Variants in PRR12 observed in about 807,000 individuals in gnomAD.
The protein encoded by PRR12 is proline rich 12.
PRR12 carries 12 observed loss-of-function variants against 138.0 expected under a neutral mutation model. That is an observed-to-expected ratio of 0.09 (90% CI 0.06 to 0.14). The LOEUF (loss-of-function observed/expected upper bound fraction) is 0.14, where lower values mean the gene tolerates loss of function less well. Ranked by LOEUF, PRR12 falls within the 10% of genes least tolerant of loss-of-function variation. The pLI, the probability that PRR12 is intolerant of heterozygous loss-of-function variation, is 1.00. For missense variants in PRR12, 2,692 were observed against 2,861.3 expected, an observed-to-expected ratio of 0.94 and a Z score of 1.35; for synonymous variants, 1,567 against 1,291.7, an observed-to-expected ratio of 1.21 and a Z score of -4.57.
chr19:49,595,484 C>T lies in PRR12; in HGVS notation c.1149C>T (p.Ile383=). Residue 383 remains isoleucine, a synonymous_variant, in exon 4 of 14, where the codon ATC becomes ATT. Transcript: ENST00000418929. ...GTGGTGGTGGAGGTTACCGCCCCAT[C>T]ATTCAGTCGCCTGGGTACAAGACGG... ...AGGGGGGYRP[I]IQSPGYKTGK... is the part of the protein sequence containing the mutation. The T allele has an allele frequency of 6.4e-7, 1 of 1,553,862 alleles. No homozygotes were observed. The highest frequency in any genetic ancestry group is 8.7e-7 in the Non-Finnish European group (1 of 1,149,582).
Position 49,597,996 on chromosome 19 carries a change from C to T in PRR12, c.3661C>T (p.Pro1221Ser), listed in dbSNP as rs1234622923. The T allele has an allele frequency of 3.6e-6, 5 of 1,386,242 alleles. No homozygotes were observed. Among genetic ancestry groups the T allele is most frequent in the Admixed American group, 3.6e-5 (1 of 28,016 alleles). 85.9% of individuals were successfully genotyped at this position (1,386,242 alleles called of 1,614,324 possible). The change falls in exon 4 of 14, where the codon CCC becomes TCC. Residue 1221 changes from proline (P) to serine (S), a missense_variant. Pro to Ser is a moderately conservative substitution (Grantham distance 74). Around this residue, in one of 11 missense-constraint regions of PRR12, gnomAD observed 326 missense variants for 344.2 expected, o/e 0.95. Coordinates refer to ENST00000418929, the MANE Select transcript of PRR12 (RefSeq NM_020719.3). This position sits in a 1 kb window ranked among gnomAD's most constrained non-coding sequence, Gnocchi z 6.3. ...AEEAGGTRLE[P>S]LKPLKIKLSV... is the part of the protein sequence containing the mutation. ...GGAGGCAGGGGGCACCCGGTTGGAG[C>T]CCCTGAAGCCACTTAAGGTGAGGGG...
At chr19:49,619,421 G>T (rs1204886038) in intron 9 of PRR12, among the ~76,000 whole-genome samples, 1 of 149,546 alleles carries the variant, frequency 6.7e-6, no homozygotes, top group East Asian at 2.0e-4. Context: ...TTTTAGTAGA[G>T]ACAGGGTTTC....
Position 49,594,761 on chromosome 19 carries a change from T to G in PRR12, c.426T>G (p.Phe142Leu). ...GTGCCCTGCCGGGTTCCAGCACCTT[T>G]CCGTCCTCATCTGCCCTGTCGGCTT... ...ISGALPGSST[F>L]PSSSALSAYQ... is the part of the protein sequence containing the mutation. Residue 142 changes from phenylalanine (F) to leucine (L), a missense_variant, in exon 4 of 14, where the codon TTT becomes TTG. Around this residue, in one of 11 missense-constraint regions of PRR12, gnomAD observed 211 missense variants for 266.3 expected, o/e 0.79. Transcript: ENST00000418929. This position sits in a 1 kb window ranked among gnomAD's most constrained non-coding sequence, Gnocchi z 5.6. 1 of 1,613,384 alleles carries G rather than the reference T, an allele frequency of 6.2e-7. No homozygotes were observed. The highest frequency in any genetic ancestry group is 8.5e-7 in the Non-Finnish European group (1 of 1,179,796).
chr19:49,596,820 C>T lies in PRR12; in HGVS notation c.2485C>T (p.Arg829Cys), dbSNP rs1271656133. 3.1e-6 allele frequency: 5 copies of T among 1,597,922 alleles called. No homozygotes were observed. The highest frequency in any genetic ancestry group is 4.2e-6 in the Non-Finnish European group (5 of 1,178,560). The change falls in exon 4 of 14, where the codon CGC (arginine) becomes TGC (cysteine). Residue 829 changes from arginine to cysteine, a missense_variant. Physicochemically the swap from Arg to Cys is radical, Grantham distance 180 (BLOSUM62 -3). Transcript: ENST00000418929. The surrounding 1 kb of genome is among the most constrained non-coding windows in gnomAD (Gnocchi z 5.6). ...VGVHLLEPAT[R>C]DGAPQPPPPP... ...CGTCCACCTCCTTGAGCCAGCCACC[C>T]GCGATGGGGCACCCCAGCCACCTCC...
intron 6 of PRR12, among the ~76,000 whole-genome samples, chr19:49,608,684 A>G (rs1313036282): frequency 6.6e-6 from 1 of 151,968 alleles, no homozygotes; most frequent in Non-Finnish European, 1.5e-5. Context: ...ACAAAATTCA[A>G]AAAAACTTAA....
At chr19:49,615,155 G>C in intron 8 of PRR12, 146 bp downstream of exon 8, 1 of 1,249,794 alleles carries the variant, frequency 8.0e-7, no homozygotes, top group South Asian at 1.5e-5. Context: ...CAGAGACCCG[G>C]AGAGAAATAG....
At chr19:49,610,459 C>T (rs1261662452) in intron 6 of PRR12, among the ~76,000 whole-genome samples, 2 of 151,942 alleles carry the variant, frequency 1.3e-5, no homozygotes, top group African/African-American at 4.8e-5. Context: ...CAGTGGCCCA[C>T]GCCTGTAATC....
chr19:49,597,439 A>G lies in PRR12; in HGVS notation c.3104A>G (p.His1035Arg), dbSNP rs1221336195. The change falls in exon 4 of 14, where the codon CAC becomes CGC. Residue 1035 changes from histidine to arginine, a missense_variant. By Grantham distance (29) the His-to-Arg change is conservative. Coordinates refer to ENST00000418929, the MANE Select transcript of PRR12 (RefSeq NM_020719.3). The surrounding 1 kb of genome is among the most constrained non-coding windows in gnomAD (Gnocchi z 6.3). ...CTGGGCCTGATCCAGAGTGGCCCCC[A>G]CCAGGCGGCGCCACCACCCCCGCCT... ...EPLGLIQSGP[H>R]QAAPPPPPPP... The G allele has an allele frequency of 2.0e-6, 3 of 1,538,218 alleles. No individual in the cohort carries two copies. The highest frequency in any genetic ancestry group is 3.9e-5 in the Admixed American group (2 of 50,834).
In PRR12 at chr19:49,597,447, GCGCCACCACCCC is replaced by G. The variant is rs938252556; in HGVS notation, c.3117_3128del (p.Pro1046_Pro1049del). On this transcript the variant is annotated inframe_deletion, in exon 4 of 14. Coordinates refer to ENST00000418929, the MANE Select transcript of PRR12 (RefSeq NM_020719.3). The surrounding 1 kb of genome is among the most constrained non-coding windows in gnomAD (Gnocchi z 6.3). ...GATCCAGAGTGGCCCCCACCAGGCG[GCGCCACCACCCC>G]CGCCTCCGCCACCGCCGCCTCCCGC... is the stretch of plus-strand genomic sequence containing the variant. 2.6e-6 allele frequency: 4 copies of G among 1,538,938 alleles called. No individual in the cohort carries two copies. The highest frequency in any genetic ancestry group is 3.9e-5 in the Admixed American group (2 of 50,854).
At position 49,613,846 on chromosome 19, in the gene PRR12, C is replaced by T. The variant is rs73058075; in HGVS notation, c.4774-687C>T. 6.9e-3 allele frequency among the ~76,000 whole-genome samples: 1,050 copies of T among 152,264 alleles called. 8 individuals are homozygous for T. Among genetic ancestry groups the T allele is most frequent in the Non-Finnish European group, 0.012 (838 of 68,022 alleles). On this transcript the variant is annotated intron_variant, in intron 6 of 13. Coordinates refer to ENST00000418929, the MANE Select transcript of PRR12 (RefSeq NM_020719.3). ...AGATTTGGCTGGGCTTGGTGGATCA[C>T]GCCTCTAATCCTAGCACTTTGGGAG...
Position 49,594,319 on chromosome 19 carries a change from T to C in PRR12, c.200-135T>C. The C allele has an allele frequency of 6.7e-6, 5 of 748,004 alleles. No homozygotes were observed. Among genetic ancestry groups the C allele is most frequent in the Non-Finnish European group, 1.1e-5 (5 of 473,838 alleles). The allele number at this position is 748,004 out of a possible 1,614,324, so 46.3% of individuals were successfully genotyped here. A position where few individuals can be genotyped will look rare whatever the true frequency, so the allele number is the denominator to read the frequency against. The stretch of plus-strand genomic sequence containing the variant: ...CTCATTAGCTTGGTTCTATCCATCT[T>C]GTTTTTGAATTTGCCCTTTTCTCTC... On this transcript the variant is annotated intron_variant, in intron 2 of 13. Coordinates refer to ENST00000418929, the MANE Select transcript of PRR12 (RefSeq NM_020719.3). This position sits in a 1 kb window ranked among gnomAD's most constrained non-coding sequence, Gnocchi z 5.6.
In PRR12 at chr19:49,596,992, C is replaced by T. The variant is rs942406760; in HGVS notation, c.2657C>T (p.Ala886Val). ...PPGAMQELLG[A>V]LEPLPPAPGD... ...GGCGCCATGCAGGAATTGCTCGGGG[C>T]TCTGGAGCCGCTGCCCCCGGCGCCT... The change falls in exon 4 of 14, where the codon GCT (alanine) becomes GTT (valine). Residue 886 changes from alanine to valine, a missense_variant. By Grantham distance (64) the Ala-to-Val change is moderately conservative. This residue lies in a region of PRR12 where 840 missense variants were observed against 689.8 expected (regional missense o/e 1.22). Transcript: ENST00000418929. The surrounding 1 kb of genome is among the most constrained non-coding windows in gnomAD (Gnocchi z 5.6). 13 of 1,558,386 alleles carry T rather than the reference C, an allele frequency of 8.3e-6. No individual in the cohort carries two copies. The highest frequency in any genetic ancestry group is 7.7e-5 in the Admixed American group (4 of 52,248).
chr19:49,616,255 G>A lies in PRR12; in HGVS notation c.5497+36G>A. 1 of 1,474,556 alleles carries A rather than the reference G, an allele frequency of 6.8e-7. No individual in the cohort carries two copies. Among genetic ancestry groups the A allele is most frequent in the Non-Finnish European group, 9.0e-7 (1 of 1,109,192 alleles). The allele number at this position is 1,474,556 out of a possible 1,614,324, so 91.3% of individuals were successfully genotyped here. On this transcript the variant is annotated intron_variant, in intron 9 of 13. Coordinates refer to ENST00000418929, the MANE Select transcript of PRR12 (RefSeq NM_020719.3). The surrounding 1 kb of genome is among the most constrained non-coding windows in gnomAD (Gnocchi z 4.2). ...AGGCAGCCTCAGGGCTGCAGGGGTG[G>A]GTGGGGAAGGGACACAGGTGAGGGC... is the stretch of plus-strand genomic sequence containing the variant.
chr19:49,618,233 CT>C (rs1479426492), intron 9 of PRR12, among the ~76,000 whole-genome samples: 1 of 152,042 alleles, frequency 6.6e-6, no homozygotes, highest in East Asian at 1.9e-4. Context: ...AGCCCAAGCC[CT>C]GTTTCTGCCC....
At position 49,625,838 on chromosome 19, in the gene PRR12, A is replaced by T; in HGVS notation, c.*231A>T. ...CCACTGTTCGGTGTACAGAGAAATT[A>T]TTTATATATATGTATAAATGTCTAT... On this transcript the variant is annotated 3_prime_UTR_variant, in exon 14 of 14. Transcript: ENST00000418929. This position sits in a 1 kb window ranked among gnomAD's most constrained non-coding sequence, Gnocchi z 5.5. The T allele has an allele frequency of 2.2e-6, 1 of 445,536 alleles. No individual in the cohort carries two copies. Among genetic ancestry groups the T allele is most frequent in the Non-Finnish European group, 3.9e-6 (1 of 255,822 alleles). The allele number at this position is 445,536 out of a possible 1,614,324, so 27.6% of individuals were successfully genotyped here. A position where few individuals can be genotyped will look rare whatever the true frequency, so the allele number is the denominator to read the frequency against.
intron 4 of PRR12, 50 bp downstream of exon 4, chr19:49,598,063 C>T (rs753774538): frequency 2.6e-4 from 325 of 1,262,526 alleles, no homozygotes; most frequent in Non-Finnish European, 2.9e-4. Flanking sequence ...GAGCTGTGTC[C>T]GATGTTTGAG....
In PRR12 at chr19:49,597,052, G is replaced by A; in HGVS notation, c.2717G>A (p.Gly906Asp). The A allele has an allele frequency of 6.4e-7, 1 of 1,554,314 alleles. No homozygotes were observed. Among genetic ancestry groups the A allele is most frequent in the Middle Eastern group, 1.7e-4 (1 of 5,982 alleles). The change falls in exon 4 of 14, where the codon GGC becomes GAC. Residue 906 changes from glycine (G) to aspartate (D), a missense_variant. Physicochemically the swap from Gly to Asp is moderately conservative, Grantham distance 94. Around this residue, in one of 11 missense-constraint regions of PRR12, gnomAD observed 840 missense variants for 689.8 expected, o/e 1.22. Transcript: ENST00000418929. The surrounding 1 kb of genome is among the most constrained non-coding windows in gnomAD (Gnocchi z 6.3). Reference protein sequence around the residue: ...DTGVGPPNSEGKDPAGAYRSP... With the variant: ...DTGVGPPNSEDKDPAGAYRSP... ...GGCGTAGGCCCACCAAACTCGGAGG[G>A]CAAGGATCCCGCAGGCGCCTACCGC...
chr19:49,594,666 C>G lies in PRR12; in HGVS notation c.362-31C>G, dbSNP rs1399631819. ...GCCAGGGTGGGACTGGCTCGCTGTTCTCTCTGACGCGCGGTCTTCCTCATC... is the reference window on the plus strand; with the variant it reads ...GCCAGGGTGGGACTGGCTCGCTGTTGTCTCTGACGCGCGGTCTTCCTCATC... On this transcript the variant is annotated intron_variant, in intron 3 of 13. Transcript: ENST00000418929. This position sits in a 1 kb window ranked among gnomAD's most constrained non-coding sequence, Gnocchi z 5.6. 2 of 1,610,596 alleles carry G rather than the reference C, an allele frequency of 1.2e-6. No homozygotes were observed. The highest frequency in any genetic ancestry group is 8.5e-7 in the Non-Finnish European group (1 of 1,179,444).
rs866345363 is a variant in PRR12 at position 49,597,231 on chromosome 19, G to T, written c.2896G>T (p.Gly966Trp). 6.4e-7 allele frequency: 1 copy of T among 1,569,340 alleles called. No individual in the cohort carries two copies. Residue 966 changes from glycine (G) to tryptophan (W), a missense_variant, in exon 4 of 14, where the codon GGG becomes TGG. Physicochemically the swap from Gly to Trp is radical, Grantham distance 184. This residue lies in a region of PRR12 where 840 missense variants were observed against 689.8 expected (regional missense o/e 1.22). Coordinates refer to ENST00000418929, the MANE Select transcript of PRR12 (RefSeq NM_020719.3). This position sits in a 1 kb window ranked among gnomAD's most constrained non-coding sequence, Gnocchi z 6.3. ...GGCCGCGGACGACTACGGCAAGGCC[G>T]GGCCACCTGAGGACGAGGGGGACCC... is the stretch of plus-strand genomic sequence containing the variant. Reference protein sequence around the residue: ...GGAADDYGKAGPPEDEGDPKA... With the variant: ...GGAADDYGKAWPPEDEGDPKA...
Sources: gnomAD v4.1 joint callset for allele counts (sites outside exome capture counted in the v4.1 genomes callset) on GRCh38, gnomAD v4.1.1 for gene constraint, gnomAD v4.1.1 regional missense constraint, Gnocchi (gnomAD v3.1) non-coding constraint, MANE v1.5 for transcripts, NCBI Gene and HGNC (gene_info 2026-07-23, HGNC 2026-07-21) for gene names.